CACNA2D4: variants seen among roughly 807,000 people sequenced by gnomAD.
CACNA2D4 encodes calcium voltage-gated channel auxiliary subunit alpha2delta 4.
In CACNA2D4, 157 loss-of-function variants were observed where a neutral mutation model predicts 163.8. The observed-to-expected ratio is 0.96, with a 90% confidence interval of 0.84 to 1.09. The LOEUF is 1.09. CACNA2D4 is among the 50% of genes least tolerant of loss of function. The pLI is 0.00. For synonymous variants in CACNA2D4, 598 were observed against 586.9 expected (o/e 1.02, Z -0.27); for missense variants, 1,410 against 1,479.9 (o/e 0.95, Z 0.78).
intron 18 of CACNA2D4, among the ~76,000 whole-genome samples, chr12:1,862,722 A>G (rs1251034258): frequency 6.6e-6 from 1 of 152,108 alleles, no homozygotes; most frequent in African/African-American, 2.4e-5. Context: ...TAAGTCTTGT[A>G]GTTTTGATTT....
chr12:1,822,438 C>G (rs1592676377), intron 26 of CACNA2D4, among the ~76,000 whole-genome samples: 1 of 152,068 alleles, frequency 6.6e-6, no homozygotes, highest in South Asian at 2.1e-4. Context: ...CTCCTGTGCC[C>G]TGCCTGGGAA....
intron 29 of CACNA2D4, 89 bp from the exon 30 acceptor site, chr12:1,801,733 G>T (rs2154445343): frequency 2.2e-6 from 2 of 903,518 alleles, no homozygotes; most frequent in Non-Finnish European, 3.3e-6. Context: ...ATTCAGCTCA[G>T]GTCGAGGCTT....
chr12:1,887,122 C>T, intron 6 of CACNA2D4, 53 bp from the exon 7 acceptor site: 4 of 1,315,720 alleles, frequency 3.0e-6, no homozygotes, highest in South Asian at 2.5e-5. Flanking sequence ...CACCCCAGAT[C>T]CCCTGGCTGG....
At chr12:1,865,208 G>C (rs1042333354) in intron 18 of CACNA2D4, among the ~76,000 whole-genome samples, 3 of 152,226 alleles carry the variant, frequency 2.0e-5, no homozygotes, top group African/African-American at 7.2e-5. Flanking sequence ...CCTTGCTGAA[G>C]CTGCTGTTGG....
chr12:1,824,708 G>A (rs1214506821), intron 26 of CACNA2D4, among the ~76,000 whole-genome samples: 1 of 152,238 alleles, frequency 6.6e-6, no homozygotes, highest in South Asian at 2.1e-4. Context: ...TGCTCTCCAA[G>A]CTTCCCAATG....
chr12:1,798,054 G>A lies in CACNA2D4; in HGVS notation c.2996-519C>T, dbSNP rs1474177136. 1.3e-5 allele frequency among the ~76,000 whole-genome samples: 2 copies of A among 152,204 alleles called. No individual in the cohort carries two copies. The highest frequency in any genetic ancestry group is 6.5e-5 in the Admixed American group (1 of 15,290). ...CTGAGCGCCTGCGGTGGGGGCAGCC[G>A]GGCAGGTGGGCTCCAGGCCTGGGGC... On this transcript the variant is annotated intron_variant, in intron 34 of 37. Coordinates refer to ENST00000382722, the MANE Select transcript of CACNA2D4 (RefSeq NM_172364.5). This position sits in a 1 kb window ranked among gnomAD's most constrained non-coding sequence, Gnocchi z 4.3.
At chr12:1,909,336 C>T (rs928066122) in intron 4 of CACNA2D4, among the ~76,000 whole-genome samples, 3 of 152,196 alleles carry the variant, frequency 2.0e-5, no homozygotes, top group Non-Finnish European at 2.9e-5. Flanking sequence ...GGACTACAAG[C>T]GCCTGCCACT....
At chr12:1,895,400 AAGTC>A (rs1012711852) in intron 6 of CACNA2D4, among the ~76,000 whole-genome samples, 1 of 152,324 alleles carries the variant, frequency 6.6e-6, no homozygotes, top group African/African-American at 2.4e-5. Flanking sequence ...ATGGAAAAAA[AAGTC>A]AGAATAGCTA....
chr12:1,847,190 G>A (rs1000660109), intron 23 of CACNA2D4, among the ~76,000 whole-genome samples: 3 of 152,184 alleles, frequency 2.0e-5, no homozygotes, highest in Non-Finnish European at 4.4e-5. Context: ...TAACCTTGCC[G>A]TTGAGACTTG....
chr12:1,809,627 T>G, intron 29 of CACNA2D4: 1 of 693,148 alleles, frequency 1.4e-6, no homozygotes, highest in South Asian at 1.5e-5. Context: ...AAAATATTAT[T>G]GTACTTTCTC....
Position 1,834,357 on chromosome 12 carries a change from G to T in CACNA2D4, c.2551+6382C>A. 6.2e-7 allele frequency: 1 copy of T among 1,613,138 alleles called. No individual in the cohort carries two copies. The highest frequency in any genetic ancestry group is 8.5e-7 in the Non-Finnish European group (1 of 1,179,988). On this transcript the variant is annotated intron_variant, in intron 26 of 37. Coordinates refer to ENST00000382722, the MANE Select transcript of CACNA2D4 (RefSeq NM_172364.5). This position sits in a 1 kb window ranked among gnomAD's most constrained non-coding sequence, Gnocchi z 7.6. The stretch of plus-strand genomic sequence containing the variant: ...GTCCCCATGGAGATGTTCAACTACT[G>T]CTCCCAGCTGGAGGACGAGAATAGC...
rs768713706 is a variant in CACNA2D4 at position 1,800,043 on chromosome 12, C to T, written c.2931G>A (p.Leu977=). 3 of 1,601,794 alleles carry T rather than the reference C, an allele frequency of 1.9e-6. No individual in the cohort carries two copies. The highest frequency in any genetic ancestry group is 1.7e-6 in the Non-Finnish European group (2 of 1,174,432). Residue 977 remains leucine (L), a synonymous_variant, in exon 33 of 38, where the codon CTG becomes CTA. Transcript: ENST00000382722. ...WLLQELVLFL[L]EWSVWGSWYD... ...ACCAGGAGCCCCAGACACTCCACTC[C>T]AGCAGGAACCTGTCAGACACAGGAC...
rs530423856 is a variant in CACNA2D4, at chr12:1,898,538, C to T, written c.781+8902G>A. Among the ~76,000 whole-genome samples, 21 of 151,438 alleles carry T rather than the reference C, an allele frequency of 1.4e-4. No homozygotes were observed. In the South Asian group the frequency reaches 4.0e-3, roughly 29 times the overall value. On this transcript the variant is annotated intron_variant, in intron 6 of 37. Transcript: ENST00000382722. Reference sequence around the variant, plus strand: ...AGTTGCCATGAGATACTACCTCACACCCATTAGGATGGCTACTACCAGGAA... The same window carrying T: ...AGTTGCCATGAGATACTACCTCACATCCATTAGGATGGCTACTACCAGGAA...
At position 1,829,995 on chromosome 12, in the gene CACNA2D4, G is replaced by A. The variant is rs970832142; in HGVS notation, c.2551+10744C>T. Among the ~76,000 whole-genome samples, 22 of 152,160 alleles carry A rather than the reference G, an allele frequency of 1.4e-4. No homozygotes were observed. The highest frequency in any genetic ancestry group is 5.3e-4 in the African/African-American group (22 of 41,436). On this transcript the variant is annotated intron_variant, in intron 26 of 37. Transcript: ENST00000382722. This position sits in a 1 kb window ranked among gnomAD's most constrained non-coding sequence, Gnocchi z 4.2. ...TGCTCTGATGTGATTGTTCCCTGAGGGTTACTTCTCCCAGCCCTACAGACA... is the reference window on the plus strand; with the variant it reads ...TGCTCTGATGTGATTGTTCCCTGAGAGTTACTTCTCCCAGCCCTACAGACA...
intron 2 of CACNA2D4, 141 bp from the exon 3 acceptor site, chr12:1,913,280 C>G: frequency 1.5e-6 from 1 of 669,464 alleles, no homozygotes; most frequent in Non-Finnish European, 2.8e-6. Flanking sequence ...TGAGGCCCAG[C>G]CCTCTCCTCC....
intron 26 of CACNA2D4, among the ~76,000 whole-genome samples, chr12:1,830,009 G>C (rs956524335): frequency 6.6e-6 from 1 of 152,210 alleles, no homozygotes; most frequent in Non-Finnish European, 1.5e-5. Context: ...ACTTCTCCCA[G>C]CCCTACAGAC....
Position 1,883,070 on chromosome 12 carries a change from C to T in CACNA2D4, c.1352-70G>A, listed in dbSNP as rs1436434388. 7.3e-6 allele frequency: 11 copies of T among 1,503,180 alleles called. No individual in the cohort carries two copies. Among genetic ancestry groups the T allele is most frequent in the Middle Eastern group, 3.6e-4 (2 of 5,632 alleles). The allele number at this position is 1,503,180 out of a possible 1,614,324, so 93.1% of individuals were successfully genotyped here. A position where few individuals can be genotyped will look rare whatever the true frequency, so the allele number is the denominator to read the frequency against. On this transcript the variant is annotated intron_variant, in intron 12 of 37. Coordinates refer to ENST00000382722, the MANE Select transcript of CACNA2D4 (RefSeq NM_172364.5). This position sits in a 1 kb window ranked among gnomAD's most constrained non-coding sequence, Gnocchi z 4.5. ...TGGGAACCCCTCGCCAGGGCCTGCA[C>T]CCTCCCCAGCTGCAGATGGCTCATA...
In CACNA2D4 at chr12:1,799,751, C is replaced by T; in HGVS notation, c.2975-56G>A. The T allele has an allele frequency of 6.4e-7, 1 of 1,554,000 alleles. No homozygotes were observed. Among genetic ancestry groups the T allele is most frequent in the Non-Finnish European group, 8.7e-7 (1 of 1,147,634 alleles). On this transcript the variant is annotated intron_variant, in intron 33 of 37. Transcript: ENST00000382722. The surrounding 1 kb of genome is among the most constrained non-coding windows in gnomAD (Gnocchi z 4.7). Reference sequence around the variant, plus strand: ...GACACGGCACAGGAAAACATGGTGGCACATGAGGGCAGGATGTCATGGGGT... The same window carrying T: ...GACACGGCACAGGAAAACATGGTGGTACATGAGGGCAGGATGTCATGGGGT...
chr12:1,857,569 T>C (rs1865427229), intron 20 of CACNA2D4, among the ~76,000 whole-genome samples: 1 of 152,048 alleles, frequency 6.6e-6, no homozygotes, highest in South Asian at 2.1e-4. Flanking sequence ...AGTATGTGGG[T>C]GTTAAACAGA....
Sources: allele counts gnomAD v4.1 joint callset (sites outside exome capture counted in the v4.1 genomes callset), GRCh38; gene constraint gnomAD v4.1.1; non-coding constraint Gnocchi (gnomAD v3.1); transcripts MANE v1.5; gene names NCBI Gene and HGNC (gene_info 2026-07-23, HGNC 2026-07-21).